The following C8orf34 variants were observed in gnomAD, a reference collection of about 807,000 sequenced individuals.
C8orf34 encodes the protein uncharacterized protein C8orf34.
A neutral mutation model predicts 68.3 loss-of-function variants in C8orf34; 65 were observed. The observed-to-expected ratio is 0.95, with a 90% CI of 0.78 to 1.17. C8orf34 has a LOEUF of 1.17. C8orf34 is among the 50% of genes most tolerant of loss of function. The pLI, the probability that C8orf34 is intolerant of heterozygous loss-of-function variation, is 0.00. For synonymous variants in C8orf34, 244 were observed against 241.2 expected, an observed-to-expected ratio of 1.01 and a Z score of -0.11; for missense variants, 664 against 655.4, an observed-to-expected ratio of 1.01 and a Z score of -0.14.
chr8:68,561,923 TATG>T (rs1253961415), intron 7 of C8orf34, among the ~76,000 whole-genome samples: 1 of 152,224 alleles, frequency 6.6e-6, no homozygotes, highest in Non-Finnish European at 1.5e-5. Flanking sequence ...TGCCATCTCC[TATG>T]ATAACAATGC....
chr8:68,446,603 C>T, intron 3 of C8orf34, 143 bp downstream of exon 3: 2 of 776,028 alleles, frequency 2.6e-6, no homozygotes, highest in Non-Finnish European at 4.0e-6. Flanking sequence ...TTTTACTCCG[C>T]ATTTACATTG....
At chr8:68,339,340 A>T (rs1805979122) in intron 1 of C8orf34, among the ~76,000 whole-genome samples, 1 of 152,008 alleles carries the variant, frequency 6.6e-6, no homozygotes, top group South Asian at 2.1e-4. Flanking sequence ...GTAATAGGTA[A>T]TCAATTACAT....
chr8:68,798,918 G>A (rs1585901631), intron 12 of C8orf34, among the ~76,000 whole-genome samples: 1 of 152,182 alleles, frequency 6.6e-6, no homozygotes, highest in Admixed American at 6.5e-5. Flanking sequence ...GGAAAAATGT[G>A]TCAAGTTGCT....
intron 7 of C8orf34, chr8:68,535,890 C>G (rs1586338177): frequency 1.0e-6 from 1 of 978,394 alleles, no homozygotes; most frequent in South Asian, 4.7e-5. Flanking sequence ...ATAGAAGATA[C>G]TGAGTAAAGT....
intron 11 of C8orf34, among the ~76,000 whole-genome samples, chr8:68,781,636 C>A (rs945703595): frequency 3.9e-5 from 6 of 152,110 alleles, no homozygotes; most frequent in Admixed American, 3.9e-4. Flanking sequence ...TTATATGTAG[C>A]CTTATGGGTT....
intron 12 of C8orf34, among the ~76,000 whole-genome samples, chr8:68,813,028 A>G (rs771074407): frequency 2.0e-5 from 3 of 152,160 alleles, no homozygotes; most frequent in Non-Finnish European, 4.4e-5. Flanking sequence ...TAATCCCAAC[A>G]CGTGCTTTGT....
At chr8:68,796,080 C>T (rs2129529359) in intron 12 of C8orf34, among the ~76,000 whole-genome samples, 1 of 152,320 alleles carries the variant, frequency 6.6e-6, no homozygotes, top group South Asian at 2.1e-4. Flanking sequence ...GCCTGGTTCA[C>T]AGCCACTGTC....
At chr8:68,604,848 A>G (rs1262734594) in intron 7 of C8orf34, among the ~76,000 whole-genome samples, 1 of 152,192 alleles carries the variant, frequency 6.6e-6, no homozygotes, top group Non-Finnish European at 1.5e-5. Context: ...AAGAAGAAAA[A>G]GAAGCTAAAC....
chr8:68,592,242 G>A (rs1817411732), intron 7 of C8orf34, among the ~76,000 whole-genome samples: 1 of 96,228 alleles, frequency 1.0e-5, no homozygotes, highest in East Asian at 2.6e-4. Flanking sequence ...ATTCCTTATG[G>A]CATTTTGATT....
At position 68,772,822 on chromosome 8, in the gene C8orf34, CTG is replaced by C. The variant is rs377092562; in HGVS notation, c.1405-3575_1405-3574del. 1.2e-4 allele frequency among the ~76,000 whole-genome samples: 17 copies of C among 144,626 alleles called. No individual in the cohort carries two copies. The East Asian group carries it at 1.6e-3, about 14-fold the overall frequency. The allele number at this position is 144,626 out of a possible 152,430, so 94.9% of individuals were successfully genotyped here. A position where few individuals can be genotyped will look rare whatever the true frequency, so the allele number is the denominator to read the frequency against. On this transcript the variant is annotated intron_variant, in intron 10 of 13. Transcript: ENST00000518698. ...CCCTCCTTTCTTTCTTTCTTTCTGT[CTG>C]TCTTTCTTTTCTTTCTTTCTCTCTT...
intron 8 of C8orf34, among the ~76,000 whole-genome samples, chr8:68,680,289 A>G (rs752489551): frequency 2.0e-5 from 3 of 152,202 alleles, no homozygotes; most frequent in African/African-American, 4.8e-5. Context: ...AGACATACAA[A>G]TGGCAAACAA....
intron 1 of C8orf34, among the ~76,000 whole-genome samples, chr8:68,417,949 T>C (rs1809752116): frequency 6.6e-6 from 1 of 151,308 alleles, no homozygotes; most frequent in Non-Finnish European, 1.5e-5. Context: ...TTCCATTTGT[T>C]TGTATCCTCT....
At chr8:68,644,098 G>A (rs1427537130) in intron 8 of C8orf34, among the ~76,000 whole-genome samples, 1 of 152,086 alleles carries the variant, frequency 6.6e-6, no homozygotes, top group Non-Finnish European at 1.5e-5. Flanking sequence ...GTGAATCTAT[G>A]AAATAAACTC....
At chr8:68,730,883 C>T (rs1037542579) in intron 10 of C8orf34, among the ~76,000 whole-genome samples, 6 of 152,002 alleles carry the variant, frequency 3.9e-5, no homozygotes, top group Non-Finnish European at 5.9e-5. Flanking sequence ...CTGTTCTGAA[C>T]GTGATGAGCA....
At chr8:68,625,603 G>A in intron 7 of C8orf34, 1 of 701,926 alleles carries the variant, frequency 1.4e-6, no homozygotes, top group Non-Finnish European at 2.6e-6. Flanking sequence ...CAATGTGTCA[G>A]ACAGGGAGGC....
chr8:68,408,047 C>T (rs574068514), intron 1 of C8orf34, among the ~76,000 whole-genome samples: 5 of 152,184 alleles, frequency 3.3e-5, no homozygotes, highest in East Asian at 3.9e-4. Flanking sequence ...GGTGGGCAAA[C>T]GAGCAAAGCT....
At chr8:68,387,122 T>A (rs1020428363) in intron 1 of C8orf34, among the ~76,000 whole-genome samples, 1 of 151,864 alleles carries the variant, frequency 6.6e-6, no homozygotes, top group Non-Finnish European at 1.5e-5. Flanking sequence ...TCATGGTGCA[T>A]GTGTGGGAGG....
chr8:68,595,427 T>C (rs1817515767), intron 7 of C8orf34, among the ~76,000 whole-genome samples: 1 of 152,154 alleles, frequency 6.6e-6, no homozygotes, highest in Admixed American at 6.5e-5. Flanking sequence ...ATATTGTTGC[T>C]ATTGAAAAGT....
At chr8:68,629,105 T>C (rs1818617701) in intron 7 of C8orf34, among the ~76,000 whole-genome samples, 1 of 152,202 alleles carries the variant, frequency 6.6e-6, no homozygotes, top group Non-Finnish European at 1.5e-5. Context: ...CACATTTTAC[T>C]TGTAAAAATA....
Sources: allele counts gnomAD v4.1 joint callset (sites outside exome capture counted in the v4.1 genomes callset), GRCh38; gene constraint gnomAD v4.1.1; transcripts MANE v1.5; gene names NCBI Gene and HGNC (gene_info 2026-07-23, HGNC 2026-07-21).